SLIT3: variants seen among roughly 807,000 people sequenced by gnomAD.
SLIT3 encodes the protein slit guidance ligand 3.
Under a neutral mutation model 184.0 loss-of-function variants are expected in SLIT3, and 68 were observed. The observed-to-expected ratio is 0.37, with a 90% CI of 0.30 to 0.45. The LOEUF is 0.45. SLIT3 is among the 20% of genes least tolerant of loss of function. SLIT3 has a pLI of 1.00. For missense variants in SLIT3, 1,707 were observed against 2,026.0 expected (o/e 0.84, Z 3.02); for synonymous variants, 831 against 828.6 (o/e 1.00, Z -0.05).
At chr5:169,032,508 C>CTTTTT in intron 4 of SLIT3, among the ~76,000 whole-genome samples, 1 of 129,902 alleles carries the variant, frequency 7.7e-6, no homozygotes, top group African/African-American at 3.6e-5. Flanking sequence ...ATGTGCCAGT[C>CTTTTT]ATTTTTTTTT....
intron 4 of SLIT3, chr5:169,026,216 C>T (rs115963471): frequency 2.0e-5 from 3 of 151,994 alleles, no homozygotes; most frequent in African/African-American, 4.8e-5. Context: ...TCCTTCTGTT[C>T]GAAGGGAAAT....
intron 26 of SLIT3, among the ~76,000 whole-genome samples, chr5:168,701,004 T>C (rs921133506): frequency 3.9e-5 from 6 of 152,242 alleles, no homozygotes; most frequent in Non-Finnish European, 2.9e-5. Context: ...TGAATTCACA[T>C]ACAGCTGGTT....
At chr5:168,842,440 C>T (rs1308124609) in intron 6 of SLIT3, among the ~76,000 whole-genome samples, 1 of 145,910 alleles carries the variant, frequency 6.9e-6, no homozygotes, top group African/African-American at 2.6e-5. Flanking sequence ...AACTTGGAGA[C>T]ACCTGGTGCA....
intron 27 of SLIT3, 47 bp downstream of exon 27, chr5:168,700,535 G>A (rs538991855): frequency 7.6e-7 from 1 of 1,322,166 alleles, no homozygotes; most frequent in African/African-American, 1.4e-5. Flanking sequence ...TATTAGCAGT[G>A]TGAGAGCAAA....
intron 4 of SLIT3, among the ~76,000 whole-genome samples, chr5:168,947,384 C>G (rs10055272): frequency 0.019 from 2,969 of 152,288 alleles, 110 homozygotes; most frequent in African/African-American, 0.068. Flanking sequence ...GGGAGAGCCA[C>G]CGTCTGCCGC....
intron 4 of SLIT3, among the ~76,000 whole-genome samples, chr5:168,940,143 G>A (rs918866796): frequency 3.3e-5 from 5 of 152,206 alleles, no homozygotes; most frequent in Non-Finnish European, 4.4e-5. Flanking sequence ...CTAACAGAGG[G>A]TAATAGCCCT....
chr5:169,005,835 G>A (rs965747025), intron 4 of SLIT3, among the ~76,000 whole-genome samples: 11 of 152,246 alleles, frequency 7.2e-5, no homozygotes, highest in Non-Finnish European at 1.3e-4. Flanking sequence ...GAAACGCAGC[G>A]CAAAAGGCTT....
At chr5:168,703,195 C>T (rs1036173882) in intron 26 of SLIT3, among the ~76,000 whole-genome samples, 3 of 151,662 alleles carry the variant, frequency 2.0e-5, no homozygotes, top group African/African-American at 7.3e-5. Flanking sequence ...CTCCTTGGTC[C>T]TCCACCACAC....
intron 4 of SLIT3, among the ~76,000 whole-genome samples, chr5:169,025,987 C>T (rs1287278411): frequency 1.3e-5 from 2 of 152,124 alleles, no homozygotes; most frequent in African/African-American, 4.8e-5. Context: ...TTTCCCAAAT[C>T]CCCCAATCAC....
intron 12 of SLIT3, among the ~76,000 whole-genome samples, chr5:168,775,825 T>A (rs1208982933): frequency 6.6e-6 from 1 of 152,158 alleles, no homozygotes; most frequent in Admixed American, 6.5e-5. Flanking sequence ...CATAGGAAGC[T>A]ACCCTTTGGG....
At chr5:168,991,506 A>T (rs560387814) in intron 4 of SLIT3, among the ~76,000 whole-genome samples, 5 of 152,344 alleles carry the variant, frequency 3.3e-5, no homozygotes, top group African/African-American at 1.2e-4. Flanking sequence ...AGTCACAGGC[A>T]TCACAAACAG....
At chr5:168,872,508 G>A (rs1344622585) in intron 5 of SLIT3, among the ~76,000 whole-genome samples, 1 of 151,942 alleles carries the variant, frequency 6.6e-6, no homozygotes, top group East Asian at 1.9e-4. Context: ...GGGGTATATG[G>A]AAACTCTCTA....
intron 28 of SLIT3, among the ~76,000 whole-genome samples, chr5:168,694,376 C>A (rs1561878349): frequency 6.6e-6 from 1 of 152,198 alleles, no homozygotes; most frequent in African/African-American, 2.4e-5. Flanking sequence ...TACAGTGATT[C>A]TTTTCATGGA....
chr5:168,821,261 G>A (rs1757522575), intron 7 of SLIT3, among the ~76,000 whole-genome samples: 1 of 152,216 alleles, frequency 6.6e-6, no homozygotes, highest in African/African-American at 2.4e-5. Context: ...AACTCCCAGG[G>A]AATGAGCCCA....
chr5:168,681,422 C>A (rs905164574), intron 32 of SLIT3, among the ~76,000 whole-genome samples: 1 of 152,326 alleles, frequency 6.6e-6, no homozygotes, highest in Non-Finnish European at 1.5e-5. Context: ...TGTTTGGAAG[C>A]AAAATCATTT....
chr5:169,238,866 T>C (rs79385596), intron 3 of SLIT3, among the ~76,000 whole-genome samples: 9,796 of 152,238 alleles, frequency 0.064, 399 homozygotes, highest in Middle Eastern at 0.12. Flanking sequence ...GAATTGGATC[T>C]GATAGAACTC....
intron 4 of SLIT3, among the ~76,000 whole-genome samples, chr5:169,164,653 T>A (rs1305223214): frequency 1.3e-5 from 2 of 152,240 alleles, no homozygotes; most frequent in African/African-American, 2.4e-5. Context: ...TTTGGGGCAA[T>A]GACAGTGCCC....
chr5:168,678,147 G>A (rs569129383), intron 32 of SLIT3, among the ~76,000 whole-genome samples: 148 of 152,300 alleles, frequency 9.7e-4, no homozygotes, highest in Non-Finnish European at 1.8e-3. Flanking sequence ...ATCTATGCCG[G>A]TAGGTGCTCA....
chr5:168,823,476 A>G, intron 6 of SLIT3, 145 bp from the exon 7 acceptor site: 1 of 738,848 alleles, frequency 1.4e-6, no homozygotes. Flanking sequence ...AGCTGAAGAC[A>G]AGTGGACAGG....
Sources: allele counts gnomAD v4.1 joint callset (sites outside exome capture counted in the v4.1 genomes callset), GRCh38; gene constraint gnomAD v4.1.1; transcripts MANE v1.5; gene names NCBI Gene and HGNC (gene_info 2026-07-23, HGNC 2026-07-21).